Variants in TECTA observed in about 807,000 individuals in gnomAD.
TECTA encodes alpha-tectorin.
In TECTA, 128 loss-of-function variants were observed where a neutral mutation model predicts 216.8. That is an observed-to-expected ratio of 0.59 (90% CI 0.51 to 0.68). The LOEUF (loss-of-function observed/expected upper bound fraction) is 0.68. Ranked by LOEUF, TECTA falls within the 30% of genes least tolerant of loss-of-function variation. The pLI is 0.00. For missense variants in TECTA, 2,551 were observed against 2,786.2 expected, an observed-to-expected ratio of 0.92 and a Z score of 1.90; for synonymous variants, 1,089 against 1,117.1, an observed-to-expected ratio of 0.97 and a Z score of 0.50.
rs1565518253 is a variant in TECTA, at chr11:121,113,660, C to T, written c.732C>T (p.Arg244=). Reference sequence around the variant, plus strand: ...CCACAAACGTCAATGTTCCAGGCCGCTGGGCATTTAAAGTTGATGGAAAGG... The same window carrying T: ...CCACAAACGTCAATGTTCCAGGCCGTTGGGCATTTAAAGTTGATGGAAAGG... The part of the protein sequence containing the change: ...QETTNVNVPG[R]WAFKVDGKEI... The change falls in exon 6 of 24, where the codon CGC becomes CGT. Residue 244 remains arginine (R), a synonymous_variant. Coordinates refer to ENST00000392793, the MANE Select transcript of TECTA (RefSeq NM_005422.4). The surrounding 1 kb of genome is among the most constrained non-coding windows in gnomAD (Gnocchi z 4.2). 3.1e-6 allele frequency: 5 copies of T among 1,613,874 alleles called. No individual in the cohort carries two copies. The highest frequency in any genetic ancestry group is 4.2e-6 in the Non-Finnish European group (5 of 1,180,008).
chr11:121,167,012 A>G (rs370819170), intron 18 of TECTA, among the ~76,000 whole-genome samples: 2 of 152,224 alleles, frequency 1.3e-5, no homozygotes, highest in East Asian at 1.9e-4. Context: ...TGGGATGCCT[A>G]CTGTGGTTCT....
intron 20 of TECTA, among the ~76,000 whole-genome samples, chr11:121,174,450 A>G (rs1386818498): frequency 3.3e-4 from 50 of 152,176 alleles, no homozygotes; most frequent in Admixed American, 3.3e-3. Context: ...TGAGATAATC[A>G]TGTGATTTTT....
chr11:121,187,496 T>C (rs1947299074), intron 20 of TECTA, among the ~76,000 whole-genome samples: 1 of 152,254 alleles, frequency 6.6e-6, no homozygotes, highest in African/African-American at 2.4e-5. Context: ...TTGTGTTTAT[T>C]AAATTGGTAT....
intron 8 of TECTA, 41 bp downstream of exon 8, chr11:121,125,913 C>T (rs1232103852): frequency 7.5e-6 from 12 of 1,593,354 alleles, no homozygotes; most frequent in Non-Finnish European, 1.0e-5. Flanking sequence ...CTCTCTTGTG[C>T]AGGGGGCAGG....
At chr11:121,168,960 C>A in intron 20 of TECTA, 35 bp downstream of exon 20, 2 of 1,613,690 alleles carry the variant, frequency 1.2e-6, no homozygotes, top group Non-Finnish European at 1.7e-6. Context: ...ATTCTCAGAG[C>A]TTCAGGTATA....
chr11:121,189,225 C>T (rs747874234), intron 22 of TECTA, 58 bp downstream of exon 22: 508 of 1,573,304 alleles, frequency 3.2e-4, no homozygotes, highest in Non-Finnish European at 4.3e-4. Context: ...TTTCAAGGCT[C>T]AGATGTGTTT....
At chr11:121,152,486 AG>A (rs1035921784) in intron 12 of TECTA, among the ~76,000 whole-genome samples, 9 of 152,352 alleles carry the variant, frequency 5.9e-5, no homozygotes, top group African/African-American at 1.9e-4. Context: ...GGCATGAATA[AG>A]AAAGATCAAT....
At chr11:121,107,220 G>A (rs980878388) in intron 3 of TECTA, among the ~76,000 whole-genome samples, 3 of 152,214 alleles carry the variant, frequency 2.0e-5, no homozygotes, top group African/African-American at 7.2e-5. Flanking sequence ...AGGCAGTGAG[G>A]ACTTCCGTGC....
At position 121,109,194 on chromosome 11, in the gene TECTA, C is replaced by T. The variant is rs766263023; in HGVS notation, c.199-17C>T. The T allele has an allele frequency of 6.2e-7, 1 of 1,613,954 alleles. No individual in the cohort carries two copies. Among genetic ancestry groups the T allele is most frequent in the Non-Finnish European group, 8.5e-7 (1 of 1,179,984 alleles). ...TGGTTTCAGATCCACTGTGCAAAAC[C>T]TCTCTTATTTTCGTAGGTCAATAAC... is the stretch of plus-strand genomic sequence containing the variant. On this transcript the variant is annotated splice_polypyrimidine_tract_variant and intron_variant, in intron 3 of 23. Transcript: ENST00000392793.
rs1383508588 is a variant in TECTA at position 121,186,064 on chromosome 11, T to C, written c.6000-1768T>C. On this transcript the variant is annotated intron_variant, in intron 20 of 23. Coordinates refer to ENST00000392793, the MANE Select transcript of TECTA (RefSeq NM_005422.4). ...AAGCAGATGTTCAGTGCTTAATGAA[T>C]GAGTAGGGAAAGCAGATGTTCAATG... 7.1e-5 allele frequency among the ~76,000 whole-genome samples: 8 copies of C among 112,756 alleles called. No homozygotes were observed. The East Asian group carries it at 1.8e-3, about 25-fold the overall frequency. The allele number at this position is 112,756 out of a possible 152,430, so 74.0% of individuals were successfully genotyped here. A position where few individuals can be genotyped will look rare whatever the true frequency, so the allele number is the denominator to read the frequency against.
intron 16 of TECTA, 77 bp from the exon 17 acceptor site, chr11:121,165,196 C>A: frequency 7.3e-7 from 1 of 1,379,180 alleles, no homozygotes; most frequent in Non-Finnish European, 1.0e-6. Flanking sequence ...AGTGGCAAGT[C>A]TGGAGTGGAA....
intron 10 of TECTA, among the ~76,000 whole-genome samples, chr11:121,133,970 G>GT (rs1158534687): frequency 2.6e-5 from 4 of 152,152 alleles, no homozygotes; most frequent in East Asian, 1.9e-4. Context: ...ATGGATGCCT[G>GT]TTTTTTCCAG....
intron 22 of TECTA, 56 bp from the exon 23 acceptor site, chr11:121,189,708 T>A: frequency 2.7e-6 from 4 of 1,502,920 alleles, no homozygotes; most frequent in Non-Finnish European, 3.7e-6. Context: ...TTCCCTTCAA[T>A]ACCAGTGGAA....
At chr11:121,129,454 A>C (rs1946648910) in intron 9 of TECTA, among the ~76,000 whole-genome samples, 184 bp from the exon 10 acceptor site, 1 of 152,192 alleles carries the variant, frequency 6.6e-6, no homozygotes, top group South Asian at 2.1e-4. Context: ...AATCAGGGGA[A>C]TCCAAAAAGA....
At chr11:121,130,288 C>G in intron 10 of TECTA, 77 bp downstream of exon 10, 1 of 1,522,076 alleles carries the variant, frequency 6.6e-7, no homozygotes, top group Non-Finnish European at 8.9e-7. Flanking sequence ...TCAGGACTTC[C>G]CTTCCAGGTG....
Position 121,133,751 on chromosome 11 carries a change from C to T in TECTA, c.2941+3540C>T, listed in dbSNP as rs183373533. The stretch of plus-strand genomic sequence containing the variant: ...TTTTCTCATGGAATCACAGCACACA[C>T]GGAAGCACGATCTTGTCCAGCCTCC... On this transcript the variant is annotated intron_variant, in intron 10 of 23. Transcript: ENST00000392793. 9.3e-4 allele frequency among the ~76,000 whole-genome samples: 142 copies of T among 152,324 alleles called. 2 individuals are homozygous for T. Among genetic ancestry groups the T allele is most frequent in the South Asian group, 4.8e-3 (23 of 4,826 alleles).
At chr11:121,166,889 G>C in intron 18 of TECTA, 109 bp downstream of exon 18, 3 of 1,312,594 alleles carry the variant, frequency 2.3e-6, no homozygotes, top group Non-Finnish European at 3.2e-6. Flanking sequence ...TTAGAAATAT[G>C]CTCCTTAGAA....
chr11:121,118,061 C>T (rs1429685387), intron 6 of TECTA, among the ~76,000 whole-genome samples: 3 of 152,152 alleles, frequency 2.0e-5, no homozygotes, highest in South Asian at 2.1e-4. Context: ...AGAGCTTAGA[C>T]GGGATTCAGA....
Position 121,127,645 on chromosome 11 carries a change from C to A in TECTA, c.1775-107C>A. ...TGTCTTCCCCGAGTGGCCGCTTGAC[C>A]CTCACTCTAGGAACTAAATGATCCA... On this transcript the variant is annotated intron_variant, in intron 8 of 23. Transcript: ENST00000392793. The surrounding 1 kb of genome is among the most constrained non-coding windows in gnomAD (Gnocchi z 5.0). 7.4e-7 allele frequency: 1 copy of A among 1,357,316 alleles called. No homozygotes were observed. The highest frequency in any genetic ancestry group is 1.1e-6 in the Non-Finnish European group (1 of 950,820). The allele number at this position is 1,357,316 out of a possible 1,614,324, so 84.1% of individuals were successfully genotyped here. A position where few individuals can be genotyped will look rare whatever the true frequency, so the allele number is the denominator to read the frequency against.
Sources: allele counts gnomAD v4.1 joint callset (sites outside exome capture counted in the v4.1 genomes callset), GRCh38; gene constraint gnomAD v4.1.1; non-coding constraint Gnocchi (gnomAD v3.1); transcripts MANE v1.5; gene names NCBI Gene and HGNC (gene_info 2026-07-23, HGNC 2026-07-21).